Variants in SEPTIN2 observed in about 807,000 individuals in gnomAD.
The protein encoded by SEPTIN2 is septin-2.
In SEPTIN2, 34 loss-of-function variants were observed where a neutral mutation model predicts 46.5. The ratio of observed to expected loss-of-function variants is 0.73; its 90% CI spans 0.56 to 0.97. SEPTIN2 has a LOEUF of 0.97. Ranked by LOEUF, SEPTIN2 falls within the 50% of genes least tolerant of loss-of-function variation. SEPTIN2 has a pLI of 0.00. For synonymous variants in SEPTIN2, 175 were observed against 153.4 expected (o/e 1.14, Z -1.04); for missense variants, 347 against 448.4 (o/e 0.77, Z 2.04).
chr2:241,316,344 A>C, intron 1 of SEPTIN2: 1 of 505,390 alleles, frequency 2.0e-6, no homozygotes. Context: ...TGGAGGGAGG[A>C]TACAGGTTTA....
At chr2:241,343,120 A>AT in intron 8 of SEPTIN2, 27 bp downstream of exon 8, 3 of 1,214,842 alleles carry the variant, frequency 2.5e-6, no homozygotes, top group Non-Finnish European at 3.6e-6. Flanking sequence ...GATCCACAAC[A>AT]TAAATAACTC....
At chr2:241,326,475 T>G (rs1003993965) in intron 3 of SEPTIN2, among the ~76,000 whole-genome samples, 6 of 143,392 alleles carry the variant, frequency 4.2e-5, no homozygotes, top group African/African-American at 1.6e-4. Flanking sequence ...TGTCATTTTC[T>G]AAGACTAGGT....
Position 241,336,107 on chromosome 2 carries a change from C to T in SEPTIN2, c.341+9C>T. On this transcript the variant is annotated intron_variant, in intron 5 of 12. Coordinates refer to ENST00000391971, the MANE Select transcript of SEPTIN2 (RefSeq NM_004404.5). The stretch of plus-strand genomic sequence containing the variant: ...ATCAACTGCAGAGATTGGTATGCTC[C>T]CCCATGCCCAGGGATCTGCATTTGT... 1.2e-6 allele frequency: 2 copies of T among 1,613,096 alleles called. No homozygotes were observed. Among genetic ancestry groups the T allele is most frequent in the Non-Finnish European group, 1.7e-6 (2 of 1,179,318 alleles).
intron 5 of SEPTIN2, 155 bp from the exon 6 acceptor site, chr2:241,337,225 TCC>T: frequency 1.4e-6 from 1 of 699,382 alleles, no homozygotes; most frequent in Non-Finnish European, 2.2e-6. Context: ...TCCAAAAACT[TCC>T]ATTTGCCAAA....
intron 1 of SEPTIN2, chr2:241,316,640 T>A (rs1320784907): frequency 5.1e-6 from 5 of 982,854 alleles, no homozygotes; most frequent in Non-Finnish European, 7.1e-6. Flanking sequence ...GTGGCTTCCG[T>A]GGTCTCAGTG....
chr2:241,348,329 G>A (rs1310665910), intron 11 of SEPTIN2, 138 bp downstream of exon 11: 7 of 502,946 alleles, frequency 1.4e-5, no homozygotes, highest in Non-Finnish European at 2.4e-5. Flanking sequence ...CCGGGTTCAA[G>A]TGATTCTCCT....
chr2:241,326,978 G>T (rs2078074897), intron 3 of SEPTIN2, among the ~76,000 whole-genome samples: 1 of 148,434 alleles, frequency 6.7e-6, no homozygotes, highest in Non-Finnish European at 1.5e-5. Flanking sequence ...AGTCCAGGAG[G>T]TTGAGGCTGC....
intron 11 of SEPTIN2, among the ~76,000 whole-genome samples, 166 bp downstream of exon 11, chr2:241,348,357 A>C (rs1212823065): frequency 3.3e-5 from 5 of 152,050 alleles, no homozygotes; most frequent in African/African-American, 7.2e-5. Context: ...CCTCCCGAGT[A>C]GCTGGGACTA....
At chr2:241,327,204 A>G (rs1002122967) in intron 3 of SEPTIN2, among the ~76,000 whole-genome samples, 1 of 152,172 alleles carries the variant, frequency 6.6e-6, no homozygotes, top group Non-Finnish European at 1.5e-5. Context: ...TCCAGAAATG[A>G]TAGAAATGGA....
chr2:241,335,955 TAA>T lies in SEPTIN2; in HGVS notation c.218-19_218-18del, dbSNP rs745865551. The T allele has an allele frequency of 1.9e-6, 3 of 1,614,098 alleles. No homozygotes were observed. The highest frequency in any genetic ancestry group is 1.1e-5 in the South Asian group (1 of 91,080). ...TTCACATGCTGCTTATATTCCCTAT[TAA>T]GTTTGTTTCTTTTCTAGAAAAAATT... is the stretch of plus-strand genomic sequence containing the variant. On this transcript the variant is annotated intron_variant, in intron 4 of 12. Transcript: ENST00000391971.
chr2:241,350,196 AG>A lies in SEPTIN2; in HGVS notation c.*23del, dbSNP rs1322466716. On this transcript the variant is annotated 3_prime_UTR_variant, in exon 12 of 13. Transcript: ENST00000391971. ...GTAAGGTGATGTGCACATATCAAGA[AG>A]TCAGAGGTAGGCCCTGTTGTCCCTT... is the stretch of plus-strand genomic sequence containing the variant. The A allele has an allele frequency of 1.9e-6, 3 of 1,577,054 alleles. No individual in the cohort carries two copies. The highest frequency in any genetic ancestry group is 2.6e-6 in the Non-Finnish European group (3 of 1,157,690).
rs1386634159 is a variant in SEPTIN2, at chr2:241,326,161, C to T, written c.130+48C>T. ...CCAACTTACTAAATAAATATCTCCC[C>T]TTTCCAATCTCTGGAGTATGATAAC... On this transcript the variant is annotated intron_variant, in intron 3 of 12. Coordinates refer to ENST00000391971, the MANE Select transcript of SEPTIN2 (RefSeq NM_004404.5). The T allele has an allele frequency of 2.6e-6, 4 of 1,556,838 alleles. No homozygotes were observed. In the Admixed American group the frequency reaches 5.5e-5, roughly 21 times the overall value.
At position 241,348,138 on chromosome 2, in the gene SEPTIN2, G is replaced by A. The variant is rs1277752393; in HGVS notation, c.931G>A (p.Val311Met). Reference protein sequence around the residue: ...SERLKRGGRKVENEDMNKDQI... With the variant: ...SERLKRGGRKMENEDMNKDQI... Reference sequence around the variant, plus strand: ...CTGATTTCTTTCGATTCTTAGGAAAGTGGAGAATGAGGACATGAATAAAGA... The same window carrying A: ...CTGATTTCTTTCGATTCTTAGGAAAATGGAGAATGAGGACATGAATAAAGA... Residue 311 changes from valine (V) to methionine (M), a missense_variant, in exon 11 of 13, where the codon GTG becomes ATG. Transcript: ENST00000391971. 1.9e-6 allele frequency: 3 copies of A among 1,612,148 alleles called. No individual in the cohort carries two copies. The highest frequency in any genetic ancestry group is 8.5e-7 in the Non-Finnish European group (1 of 1,178,932).
chr2:241,344,479 A>C (rs1045854922), intron 9 of SEPTIN2, among the ~76,000 whole-genome samples: 1 of 152,182 alleles, frequency 6.6e-6, no homozygotes, highest in African/African-American at 2.4e-5. Context: ...CAGGCAGATC[A>C]CGAGGTCAGG....
chr2:241,343,719 T>C (rs768011845), intron 8 of SEPTIN2, 33 bp from the exon 9 acceptor site: 2 of 1,613,034 alleles, frequency 1.2e-6, no homozygotes, highest in South Asian at 1.1e-5. Flanking sequence ...GTTCCCTGTG[T>C]GGAGCCTGTC....
chr2:241,316,443 C>T (rs1471351630), intron 1 of SEPTIN2: 1 of 1,426,342 alleles, frequency 7.0e-7, no homozygotes, highest in South Asian at 1.3e-5. Flanking sequence ...TGGCCAGCCC[C>T]CAAACCTCCA....
rs1356462427 is a variant in SEPTIN2, at chr2:241,349,926, T to A, written c.985-147T>A. The A allele has an allele frequency of 7.4e-6, 5 of 679,156 alleles. No homozygotes were observed. The East Asian group carries it at 1.4e-4, about 19-fold the overall frequency. The allele number at this position is 679,156 out of a possible 1,614,324, so 42.1% of individuals were successfully genotyped here. ...TTCTCTTTAGCTGTTGCTTTTTTTA[T>A]TGATTGGTAAAAAGTCTTTATGTAA... On this transcript the variant is annotated intron_variant, in intron 11 of 12. Coordinates refer to ENST00000391971, the MANE Select transcript of SEPTIN2 (RefSeq NM_004404.5).
intron 4 of SEPTIN2, 179 bp downstream of exon 4, chr2:241,335,391 G>A: frequency 6.5e-7 from 1 of 1,534,342 alleles, no homozygotes; most frequent in Non-Finnish European, 8.8e-7. Context: ...TTGGGTTGTA[G>A]ACTTTCTTTG....
At chr2:241,337,542 A>C in intron 6 of SEPTIN2, 26 bp downstream of exon 6, 1 of 1,611,664 alleles carries the variant, frequency 6.2e-7, no homozygotes, top group Non-Finnish European at 8.5e-7. Flanking sequence ...TCGTGGAGAA[A>C]TGCTTTACTA....
Sources: allele counts gnomAD v4.1 joint callset (sites outside exome capture counted in the v4.1 genomes callset), GRCh38; gene constraint gnomAD v4.1.1; transcripts MANE v1.5; gene names NCBI Gene and HGNC (gene_info 2026-07-23, HGNC 2026-07-21).